CUL5: variants seen among roughly 807,000 people sequenced by gnomAD.
CUL5 encodes cullin 5.
CUL5 carries 26 observed loss-of-function variants against 108.8 expected under a neutral mutation model. The ratio of observed to expected loss-of-function variants is 0.24; its 90% confidence interval spans 0.18 to 0.33. CUL5 has a LOEUF of 0.33. Ranked by LOEUF, CUL5 falls within the 10% of genes least tolerant of loss-of-function variation. The pLI is 1.00. For synonymous variants in CUL5, 334 were observed against 298.0 expected (o/e 1.12, Z -1.25); for missense variants, 524 against 909.2 (o/e 0.58, Z 5.45).
In CUL5 at chr11:108,107,293, A is replaced by G. The variant is rs1177985924; in HGVS notation, c.*2909A>G. ...AATATGACCTGAGTAGTTAAAAAGT[A>G]TTTTGCATTATTTGCAGTAAGATGT... is the stretch of plus-strand genomic sequence containing the variant. On this transcript the variant is annotated 3_prime_UTR_variant, in exon 19 of 19. Transcript: ENST00000393094. 6.6e-6 allele frequency: 1 copy of G among 152,574 alleles called. No individual in the cohort carries two copies. The highest frequency in any genetic ancestry group is 2.4e-5 in the African/African-American group (1 of 41,436). 9.5% of individuals were successfully genotyped at this position (152,574 alleles called of 1,614,324 possible). A position where few individuals can be genotyped will look rare whatever the true frequency, so the allele number is the denominator to read the frequency against.
intron 1 of CUL5, among the ~76,000 whole-genome samples, chr11:108,031,757 G>A (rs1262788239): frequency 2.6e-5 from 4 of 152,150 alleles, no homozygotes; most frequent in South Asian, 4.1e-4. Context: ...TAACAAAGAC[G>A]TGAAATCACC....
chr11:108,059,044 C>G (rs909056495), intron 7 of CUL5, among the ~76,000 whole-genome samples: 2 of 152,118 alleles, frequency 1.3e-5, no homozygotes, highest in African/African-American at 4.8e-5. Context: ...CTATGTTGCC[C>G]AGGCTGGAGT....
chr11:108,046,656 C>T (rs928017086), intron 3 of CUL5, among the ~76,000 whole-genome samples: 2 of 152,148 alleles, frequency 1.3e-5, no homozygotes, highest in African/African-American at 4.8e-5. Context: ...TATTTTTTGG[C>T]TACACATCAG....
At chr11:108,032,206 G>A (rs1024361373) in intron 1 of CUL5, among the ~76,000 whole-genome samples, 1 of 152,054 alleles carries the variant, frequency 6.6e-6, no homozygotes, top group African/African-American at 2.4e-5. Flanking sequence ...GAAATTTACT[G>A]GCCAAAACAA....
At chr11:108,028,056 G>C (rs1019217335) in intron 1 of CUL5, among the ~76,000 whole-genome samples, 1 of 152,050 alleles carries the variant, frequency 6.6e-6, no homozygotes, top group African/African-American at 2.4e-5. Flanking sequence ...CTCTCACAGT[G>C]ATCTCATCCA....
At chr11:108,062,558 TTAAA>T (rs1347847833) in intron 7 of CUL5, among the ~76,000 whole-genome samples, 1 of 148,532 alleles carries the variant, frequency 6.7e-6, no homozygotes, top group African/African-American at 2.4e-5. Flanking sequence ...TTATAAATAA[TTAAA>T]TATTTATTTT....
At chr11:108,090,284 C>T (rs541184591) in intron 13 of CUL5, among the ~76,000 whole-genome samples, 19 of 152,046 alleles carry the variant, frequency 1.2e-4, no homozygotes, top group South Asian at 2.1e-4. Context: ...GTCAGGAGAT[C>T]GAGACCATCC....
chr11:108,016,601 C>G (rs1000205999), intron 1 of CUL5, among the ~76,000 whole-genome samples: 1 of 152,116 alleles, frequency 6.6e-6, no homozygotes, highest in Non-Finnish European at 1.5e-5. Flanking sequence ...ACCCAGTTGT[C>G]AGTAAGAGCC....
intron 16 of CUL5, among the ~76,000 whole-genome samples, chr11:108,095,911 C>A (rs1433973604): frequency 6.6e-6 from 1 of 151,110 alleles, no homozygotes; most frequent in Non-Finnish European, 1.5e-5. Flanking sequence ...GCCTAGCCAA[C>A]ATAGTGAAAC....
In CUL5 at chr11:108,104,651, A is replaced by C. The variant is rs1251875695; in HGVS notation, c.*267A>C. 1 of 253,882 alleles carries C rather than the reference A, an allele frequency of 3.9e-6. No individual in the cohort carries two copies. Among genetic ancestry groups the C allele is most frequent in the Non-Finnish European group, 7.4e-6 (1 of 135,772 alleles). 15.7% of individuals were successfully genotyped at this position (253,882 alleles called of 1,614,324 possible). On this transcript the variant is annotated 3_prime_UTR_variant, in exon 19 of 19. Transcript: ENST00000393094. Reference sequence around the variant, plus strand: ...AGCCCATTATCAACTTTTAAAAGTGAATTTGATTTGTACCCACCAGGAGAA... The same window carrying C: ...AGCCCATTATCAACTTTTAAAAGTGCATTTGATTTGTACCCACCAGGAGAA...
chr11:108,068,715 T>C (rs1389872984), intron 7 of CUL5, among the ~76,000 whole-genome samples: 1 of 152,064 alleles, frequency 6.6e-6, no homozygotes, highest in African/African-American at 2.4e-5. Flanking sequence ...TTTCATCTGA[T>C]CCCCAAAAGA....
intron 16 of CUL5, among the ~76,000 whole-genome samples, chr11:108,097,073 A>T (rs1864520415): frequency 6.6e-6 from 1 of 152,094 alleles, no homozygotes; most frequent in African/African-American, 2.4e-5. Context: ...GTTGGAGTTC[A>T]GTGGCACAAT....
chr11:108,099,942 C>T lies in CUL5; in HGVS notation c.2148+1413C>T, dbSNP rs1864609995. ...TTTTTAATGGACTCAAGCGATCCTCCTTCAGCCTTCCCAGTAGCTGGGACT... is the reference window on the plus strand; with the variant it reads ...TTTTTAATGGACTCAAGCGATCCTCTTTCAGCCTTCCCAGTAGCTGGGACT... On this transcript the variant is annotated intron_variant, in intron 18 of 18. Coordinates refer to ENST00000393094, the MANE Select transcript of CUL5 (RefSeq NM_003478.6). Among the ~76,000 whole-genome samples, 5 of 151,074 alleles carry T rather than the reference C, an allele frequency of 3.3e-5. No homozygotes were observed. The South Asian group carries it at 1.0e-3, about 31-fold the overall frequency.
intron 4 of CUL5, among the ~76,000 whole-genome samples, chr11:108,050,408 C>T (rs1296717469): frequency 6.6e-6 from 1 of 151,482 alleles, no homozygotes; most frequent in East Asian, 1.9e-4. Flanking sequence ...ACTCTGTCGC[C>T]TAGGCTGGAG....
At chr11:108,060,878 A>C (rs1863516428) in intron 7 of CUL5, among the ~76,000 whole-genome samples, 1 of 151,872 alleles carries the variant, frequency 6.6e-6, no homozygotes, top group African/African-American at 2.4e-5. Flanking sequence ...TACCTGTCTC[A>C]CCTTTCATTT....
intron 7 of CUL5, among the ~76,000 whole-genome samples, chr11:108,063,304 C>T (rs747809387): frequency 1.3e-5 from 2 of 152,154 alleles, no homozygotes; most frequent in African/African-American, 2.4e-5. Flanking sequence ...GTGTGAAGTT[C>T]GTCTTTCTGT....
At chr11:108,043,397 A>G (rs959359326) in intron 2 of CUL5, among the ~76,000 whole-genome samples, 9 of 152,158 alleles carry the variant, frequency 5.9e-5, no homozygotes, top group African/African-American at 1.9e-4. Flanking sequence ...TAGACTCTAG[A>G]TTCTTTTAGT....
chr11:108,096,629 C>T (rs1378534656), intron 16 of CUL5, among the ~76,000 whole-genome samples: 1 of 123,852 alleles, frequency 8.1e-6, no homozygotes, highest in Non-Finnish European at 1.6e-5. Context: ...TGCAATGGCG[C>T]AATCTCAGCT....
intron 13 of CUL5, among the ~76,000 whole-genome samples, chr11:108,091,957 C>A (rs1269882477): frequency 1.3e-5 from 2 of 151,874 alleles, no homozygotes; most frequent in Non-Finnish European, 2.9e-5. Flanking sequence ...GGCAAAATAA[C>A]AATACTCCAT....
Sources: gnomAD v4.1 joint callset for allele counts (sites outside exome capture counted in the v4.1 genomes callset) on GRCh38, gnomAD v4.1.1 for gene constraint, MANE v1.5 for transcripts, NCBI Gene and HGNC (gene_info 2026-07-23, HGNC 2026-07-21) for gene names.